Variants in ZNF134 observed in about 807,000 individuals in gnomAD.
ZNF134 encodes zinc finger protein 134 (clone pHZ-15).
A neutral mutation model predicts 2.5 loss-of-function variants in ZNF134; 5 were observed. That is an observed-to-expected ratio of 2.03 (90% CI 1.06 to 4.27). ZNF134 has a LOEUF of 4.27. ZNF134 is among the 30% of genes most tolerant of loss of function. ZNF134 has a pLI of 0.00. For synonymous variants in ZNF134, 176 were observed against 176.2 expected (o/e 1.00, Z 0.01); for missense variants, 540 against 517.5 (o/e 1.04, Z -0.42).
intron 2 of ZNF134, 21 bp from the exon 3 acceptor site, chr19:57,620,139 A>G (rs748040525): frequency 2.5e-6 from 4 of 1,601,878 alleles, no homozygotes; most frequent in East Asian, 4.5e-5. Context: ...ATGTACATCA[A>G]TAGTATTTTT....
In ZNF134 at chr19:57,620,839, C is replaced by T. The variant is rs1981191028; in HGVS notation, c.720C>T (p.Thr240=). Residue 240 remains threonine, a synonymous_variant, in exon 3 of 3, where the codon ACC becomes ACT. Transcript: ENST00000396161. ...ATGAATGCAGCGAATGTGGAAAAAC[C>T]TTCAGTCGAAAAGACAACCTTACTC... ...RPYECSECGK[T]FSRKDNLTQH... is the part of the protein sequence containing the mutation. 1 of 1,614,154 alleles carries T rather than the reference C, an allele frequency of 6.2e-7. No individual in the cohort carries two copies. Among genetic ancestry groups the T allele is most frequent in the African/African-American group, 1.3e-5 (1 of 75,028 alleles).
At position 57,620,355 on chromosome 19, in the gene ZNF134, CAT is replaced by C. The variant is rs751089364; in HGVS notation, c.237_238del (p.Cys80TrpfsTer30). The stretch of plus-strand genomic sequence containing the variant: ...ACACACCATGGACTGAAACTTCACA[CAT>C]GTGGGGCATGTGGGAGACAATTCTG... On this transcript the variant is annotated frameshift_variant, in exon 3 of 3. Coordinates refer to ENST00000396161, the MANE Select transcript of ZNF134 (RefSeq NM_003435.5). LOFTEE classifies it low-confidence loss of function (END_TRUNC). The C allele has an allele frequency of 1.2e-4, 200 of 1,613,638 alleles. 1 individual carries two copies. The highest frequency in any genetic ancestry group is 1.6e-4 in the Middle Eastern group (1 of 6,084).
At position 57,621,516 on chromosome 19, in the gene ZNF134, T is replaced by C; in HGVS notation, c.*113T>C. 2 of 1,520,266 alleles carry C rather than the reference T, an allele frequency of 1.3e-6. No individual in the cohort carries two copies. The highest frequency in any genetic ancestry group is 1.1e-5 in the South Asian group (1 of 88,788). The allele number at this position is 1,520,266 out of a possible 1,614,324, so 94.2% of individuals were successfully genotyped here. A position where few individuals can be genotyped will look rare whatever the true frequency, so the allele number is the denominator to read the frequency against. On this transcript the variant is annotated 3_prime_UTR_variant, in exon 3 of 3. Coordinates refer to ENST00000396161, the MANE Select transcript of ZNF134 (RefSeq NM_003435.5). ...CAGGTACGTGGGAACCTTCTAGGGA[T>C]ATGTTGCACTTTCTGACTTGCTCAG...
At position 57,614,502 on chromosome 19, in the gene ZNF134, AG is replaced by A. The variant is rs1372865535; in HGVS notation, c.-58+1del. ...GCGGCCGCGGTGATGGGCCCGGCGC[AG>A]GTGGGTGCTGCCTTTCCCAGACTTT... On this transcript the variant is annotated splice_region_variant and 5_prime_UTR_variant, in exon 1 of 3. An upstream open reading frame in the 5' UTR loses its in-frame stop. Coordinates refer to ENST00000396161, the MANE Select transcript of ZNF134 (RefSeq NM_003435.5). 1 of 376,486 alleles carries A rather than the reference AG, an allele frequency of 2.7e-6. No homozygotes were observed. The highest frequency in any genetic ancestry group is 5.2e-6 in the Non-Finnish European group (1 of 191,048). 23.3% of individuals were successfully genotyped at this position (376,486 alleles called of 1,614,324 possible).
intron 1 of ZNF134, among the ~76,000 whole-genome samples, chr19:57,616,457 G>A (rs1981054155): frequency 6.6e-6 from 1 of 152,210 alleles, no homozygotes; most frequent in Non-Finnish European, 1.5e-5. Context: ...TCATTTGCAT[G>A]GATAGTAGTA....
chr19:57,620,118 C>A (rs1364167721), intron 2 of ZNF134, 42 bp from the exon 3 acceptor site: 7 of 1,580,860 alleles, frequency 4.4e-6, no homozygotes, highest in Non-Finnish European at 6.0e-6. Context: ...GCCCCACCCA[C>A]CAAAGTCAGC....
In ZNF134 at chr19:57,614,399, GA is replaced by G. The variant is rs1568628887; in HGVS notation, c.-161del. The stretch of plus-strand genomic sequence containing the variant: ...CGAAGACCCCGCCTGCGCCCCCGGG[GA>G]CGGACGACCGCGGTGCCAGGGTCCC... On this transcript the variant is annotated 5_prime_UTR_variant, in exon 1 of 3. Transcript: ENST00000396161. 1 of 452,258 alleles carries G rather than the reference GA, an allele frequency of 2.2e-6. No homozygotes were observed. Among genetic ancestry groups the G allele is most frequent in the Non-Finnish European group, 4.4e-6 (1 of 225,008 alleles). The allele number at this position is 452,258 out of a possible 1,614,324, so 28.0% of individuals were successfully genotyped here. A position where few individuals can be genotyped will look rare whatever the true frequency, so the allele number is the denominator to read the frequency against.
intron 2 of ZNF134, 69 bp downstream of exon 2, chr19:57,619,577 G>A: frequency 6.7e-7 from 1 of 1,496,306 alleles, no homozygotes; most frequent in Non-Finnish European, 8.9e-7. Context: ...CCTATGTTGT[G>A]CCCATCACAA....
At chr19:57,619,725 T>C in intron 2 of ZNF134, 1 of 589,966 alleles carries the variant, frequency 1.7e-6, no homozygotes. Context: ...GAGCAATAGC[T>C]CTCTCTGCGA....
intron 1 of ZNF134, among the ~76,000 whole-genome samples, chr19:57,615,778 G>T (rs1330544282): frequency 6.6e-6 from 1 of 152,200 alleles, no homozygotes; most frequent in African/African-American, 2.4e-5. Context: ...CATGTGAGTT[G>T]TGTAGGACGT....
At chr19:57,615,286 G>T (rs907923777) in intron 1 of ZNF134, among the ~76,000 whole-genome samples, 5 of 152,016 alleles carry the variant, frequency 3.3e-5, no homozygotes, top group Admixed American at 3.3e-4. Context: ...ACTTCAATGG[G>T]TGAGGCATAA....
intron 1 of ZNF134, among the ~76,000 whole-genome samples, chr19:57,616,268 C>T (rs760275619): frequency 5.0e-4 from 76 of 152,094 alleles, no homozygotes; most frequent in African/African-American, 1.3e-3. Flanking sequence ...CTTGCAAGTA[C>T]GCAGAAGGAA....
Position 57,619,394 on chromosome 19 carries a change from A to C in ZNF134, c.-57-18A>C. 6.5e-7 allele frequency: 1 copy of C among 1,549,166 alleles called. No homozygotes were observed. Among genetic ancestry groups the C allele is most frequent in the Non-Finnish European group, 8.8e-7 (1 of 1,141,872 alleles). On this transcript the variant is annotated intron_variant, in intron 1 of 2. Coordinates refer to ENST00000396161, the MANE Select transcript of ZNF134 (RefSeq NM_003435.5). ...TCTCAGCCTGTTTCACCTTTCCCCTATGCTTTGTATCTTCCAGATCCTCTG... is the reference window on the plus strand; with the variant it reads ...TCTCAGCCTGTTTCACCTTTCCCCTCTGCTTTGTATCTTCCAGATCCTCTG...
In ZNF134 at chr19:57,621,529, C is replaced by T; in HGVS notation, c.*126C>T. 6.8e-7 allele frequency: 1 copy of T among 1,470,994 alleles called. No homozygotes were observed. Among genetic ancestry groups the T allele is most frequent in the Non-Finnish European group, 9.4e-7 (1 of 1,063,866 alleles). 91.1% of individuals were successfully genotyped at this position (1,470,994 alleles called of 1,614,324 possible). On this transcript the variant is annotated 3_prime_UTR_variant, in exon 3 of 3. Coordinates refer to ENST00000396161, the MANE Select transcript of ZNF134 (RefSeq NM_003435.5). ...ACCTTCTAGGGATATGTTGCACTTT[C>T]TGACTTGCTCAGGTTTTTTGCCAGA...
chr19:57,619,662 G>A, intron 2 of ZNF134, 154 bp downstream of exon 2: 1 of 875,330 alleles, frequency 1.1e-6, no homozygotes, highest in South Asian at 1.8e-5. Flanking sequence ...TTTCTAATCT[G>A]ACTTCTGACC....
chr19:57,614,632 A>G (rs913853753), intron 1 of ZNF134, 129 bp downstream of exon 1: 4 of 319,678 alleles, frequency 1.3e-5, no homozygotes, highest in Admixed American at 9.1e-5. Flanking sequence ...GGTGGGGGCG[A>G]GTGTGACTGG....
chr19:57,619,574 TG>T, intron 2 of ZNF134, 66 bp downstream of exon 2: 1 of 1,505,022 alleles, frequency 6.6e-7, no homozygotes, highest in Non-Finnish European at 8.9e-7. Flanking sequence ...AAACCTATGT[TG>T]TGCCCATCAC....
Position 57,624,384 on chromosome 19 carries a change from AAAAAAG to A in ZNF134, c.*2987_*2992del, listed in dbSNP as rs1981319132. 6.6e-6 allele frequency: 1 copy of A among 152,134 alleles called. No individual in the cohort carries two copies. The highest frequency in any genetic ancestry group is 2.4e-5 in the African/African-American group (1 of 41,400). The allele number at this position is 152,134 out of a possible 1,614,324, so 9.4% of individuals were successfully genotyped here. The stretch of plus-strand genomic sequence containing the variant: ...CCCTGGTTTTGGTGCAGCTGAAAAA[AAAAAAG>A]AAAAACCCAAACAACAGCTAAAACG... On this transcript the variant is annotated 3_prime_UTR_variant, in exon 3 of 3. Transcript: ENST00000396161.
chr19:57,623,035 G>C lies in ZNF134; in HGVS notation c.*1632G>C, dbSNP rs1054675796. ...CCTATCAGTGGTATTGGACATATCTGTTACCCCCAAAGTTAACCTGAGGCC... is the reference window on the plus strand; with the variant it reads ...CCTATCAGTGGTATTGGACATATCTCTTACCCCCAAAGTTAACCTGAGGCC... On this transcript the variant is annotated 3_prime_UTR_variant, in exon 3 of 3. Transcript: ENST00000396161. 4 of 151,570 alleles carry C rather than the reference G, an allele frequency of 2.6e-5. No individual in the cohort carries two copies. Among genetic ancestry groups the C allele is most frequent in the Non-Finnish European group, 5.9e-5 (4 of 67,958 alleles). 9.4% of individuals were successfully genotyped at this position (151,570 alleles called of 1,614,324 possible). A position where few individuals can be genotyped will look rare whatever the true frequency, so the allele number is the denominator to read the frequency against.
Sources: allele counts gnomAD v4.1 joint callset (sites outside exome capture counted in the v4.1 genomes callset), GRCh38; gene constraint gnomAD v4.1.1; transcripts MANE v1.5; gene names NCBI Gene and HGNC (gene_info 2026-07-23, HGNC 2026-07-21).